The following SMIM8 variants were observed in gnomAD, a reference collection of about 807,000 sequenced individuals.
SMIM8 encodes UPF0708 protein C6orf162.
In SMIM8, 8 loss-of-function variants were observed where a neutral mutation model predicts 8.1. The observed-to-expected ratio is 0.99, with a 90% CI of 0.58 to 1.78. The LOEUF (loss-of-function observed/expected upper bound fraction) is 1.78. Among genes scored for constraint, SMIM8 ranks in the 40% most tolerant of loss-of-function variants. The pLI is 0.00. For synonymous variants in SMIM8, 45 were observed against 39.7 expected, an observed-to-expected ratio of 1.13 and a Z score of -0.50; for missense variants, 126 against 119.8, an observed-to-expected ratio of 1.05 and a Z score of -0.24.
intron 1 of SMIM8, among the ~76,000 whole-genome samples, chr6:87,327,169 G>A (rs568474257): frequency 0.032 from 4,705 of 148,964 alleles, 250 homozygotes; most frequent in African/African-American, 0.11. Context: ...GTCTCTGCAC[G>A]TGAGATGGGT....
rs1218140407 is a variant in SMIM8, at chr6:87,340,788, A to G, written c.*514A>G. 6.5e-6 allele frequency: 1 copy of G among 152,698 alleles called. No individual in the cohort carries two copies. Among genetic ancestry groups the G allele is most frequent in the East Asian group, 1.9e-4 (1 of 5,208 alleles). 9.5% of individuals were successfully genotyped at this position (152,698 alleles called of 1,614,324 possible). A position where few individuals can be genotyped will look rare whatever the true frequency, so the allele number is the denominator to read the frequency against. ...ATGAGAAACTGAGTTGGCTCTGACA[A>G]GTAGTTTTTATAGTGTCACAAATGG... On this transcript the variant is annotated 3_prime_UTR_variant, in exon 4 of 4. Transcript: ENST00000392863.
chr6:87,327,544 G>A (rs12584149), intron 1 of SMIM8, among the ~76,000 whole-genome samples: 10,133 of 149,042 alleles, frequency 0.068, 516 homozygotes, highest in African/African-American at 0.18. Flanking sequence ...GAAATTCTGG[G>A]TTGAAAATTC....
chr6:87,335,845 CAAAAAAAAAAA>C (rs35840147), intron 2 of SMIM8, among the ~76,000 whole-genome samples: 87 of 55,988 alleles, frequency 1.6e-3, no homozygotes, highest in African/African-American at 6.0e-3. Context: ...CCGTCCCTAC[CAAAAAAAAAAA>C]AAAAAAAAAA....
At chr6:87,336,295 A>C (rs1003105010) in intron 2 of SMIM8, among the ~76,000 whole-genome samples, 2 of 152,222 alleles carry the variant, frequency 1.3e-5, no homozygotes, top group Non-Finnish European at 2.9e-5. Context: ...AAATACTCCC[A>C]AAGTGCTGAC....
chr6:87,329,995 G>A (rs148770958), intron 1 of SMIM8, among the ~76,000 whole-genome samples: 146 of 152,262 alleles, frequency 9.6e-4, no homozygotes, highest in African/African-American at 3.5e-3. Context: ...TAGAAACTGA[G>A]AATCAGAGTT....
At chr6:87,327,151 C>T (rs1314061723) in intron 1 of SMIM8, among the ~76,000 whole-genome samples, 2 of 150,934 alleles carry the variant, frequency 1.3e-5, no homozygotes, top group Admixed American at 6.6e-5. Context: ...TATTTTGAGC[C>T]TATGTGTGTC....
At position 87,330,783 on chromosome 6, in the gene SMIM8, C is replaced by T. The variant is rs2127920931; in HGVS notation, c.-24+71C>T. On this transcript the variant is annotated intron_variant, in intron 2 of 3. Coordinates refer to ENST00000392863, the MANE Select transcript of SMIM8 (RefSeq NM_001042493.3). Reference sequence around the variant, plus strand: ...TTAGTTTAGACCTTTTTTACAGGCACCTGTGAAATGTTCTACTCTCCTCTA... The same window carrying T: ...TTAGTTTAGACCTTTTTTACAGGCATCTGTGAAATGTTCTACTCTCCTCTA... 3 of 151,108 alleles carry T rather than the reference C, an allele frequency of 2.0e-5. No individual in the cohort carries two copies. The South Asian group carries it at 6.3e-4, about 32-fold the overall frequency. The allele number at this position is 151,108 out of a possible 1,614,324, so 9.4% of individuals were successfully genotyped here. A position where few individuals can be genotyped will look rare whatever the true frequency, so the allele number is the denominator to read the frequency against.
chr6:87,325,554 A>G (rs1336720743), intron 1 of SMIM8, among the ~76,000 whole-genome samples: 1 of 149,618 alleles, frequency 6.7e-6, no homozygotes, highest in Non-Finnish European at 1.5e-5. Context: ...TTCTGTTTAT[A>G]TGCTGGATTA....
chr6:87,323,148 A>G (rs1776712547), intron 1 of SMIM8: 1 of 152,246 alleles, frequency 6.6e-6, no homozygotes, highest in Non-Finnish European at 1.5e-5. Context: ...AGTCCATGAC[A>G]TTGGGGGAAG....
intron 2 of SMIM8, among the ~76,000 whole-genome samples, chr6:87,332,536 C>T (rs1777018696): frequency 6.7e-6 from 1 of 148,576 alleles, no homozygotes; most frequent in Non-Finnish European, 1.5e-5. Context: ...TAATAAATTA[C>T]ATATAATTAA....
rs1777229912 is a variant in SMIM8 at position 87,341,370 on chromosome 6, G to T, written c.*1096G>T. ...GGTGAGAAGCAGAATGGCCTTGGTT[G>T]TCCTGGCACCTGGCCCAGGGGCCTA... On this transcript the variant is annotated 3_prime_UTR_variant, in exon 4 of 4. Coordinates refer to ENST00000392863, the MANE Select transcript of SMIM8 (RefSeq NM_001042493.3). 2.6e-6 allele frequency: 1 copy of T among 379,536 alleles called. No homozygotes were observed. The highest frequency in any genetic ancestry group is 4.7e-5 in the Admixed American group (1 of 21,286). The allele number at this position is 379,536 out of a possible 1,614,324, so 23.5% of individuals were successfully genotyped here.
chr6:87,339,936 A>G (rs775113115), intron 3 of SMIM8, among the ~76,000 whole-genome samples, 180 bp from the exon 4 acceptor site: 2 of 152,226 alleles, frequency 1.3e-5, no homozygotes, highest in Non-Finnish European at 2.9e-5. Flanking sequence ...ATCTCTAGAT[A>G]ATCAGTAGCT....
At position 87,340,296 on chromosome 6, in the gene SMIM8, G is replaced by A; in HGVS notation, c.*22G>A. 1.3e-6 allele frequency: 2 copies of A among 1,542,930 alleles called. No homozygotes were observed. The highest frequency in any genetic ancestry group is 8.7e-7 in the Non-Finnish European group (1 of 1,150,698). ...TTAGTAGTGCTGGTTAGTGCAGATG[G>A]ACCTTTATTAAAGGTTCTGAAATCT... On this transcript the variant is annotated 3_prime_UTR_variant, in exon 4 of 4. Coordinates refer to ENST00000392863, the MANE Select transcript of SMIM8 (RefSeq NM_001042493.3).
intron 1 of SMIM8, among the ~76,000 whole-genome samples, chr6:87,324,614 A>G (rs370867143): frequency 2.7e-5 from 4 of 149,118 alleles, no homozygotes; most frequent in South Asian, 2.2e-4. Flanking sequence ...GCTCTGTTCT[A>G]TTCCATTGAT....
intron 3 of SMIM8, among the ~76,000 whole-genome samples, chr6:87,338,938 A>G (rs1378272539): frequency 1.5e-5 from 2 of 130,890 alleles, no homozygotes; most frequent in African/African-American, 3.0e-5. Flanking sequence ...ACTGGGCATC[A>G]TGACTCATGT....
chr6:87,325,429 G>C (rs1221779766), intron 1 of SMIM8, among the ~76,000 whole-genome samples: 7 of 147,948 alleles, frequency 4.7e-5, no homozygotes, highest in African/African-American at 1.8e-4. Flanking sequence ...TTATTATTTT[G>C]AGATACGTCC....
intron 1 of SMIM8, 93 bp from the exon 2 acceptor site, chr6:87,330,599 A>G (rs1418455006): frequency 6.6e-6 from 1 of 151,800 alleles, no homozygotes; most frequent in African/African-American, 2.4e-5. Flanking sequence ...CTATTCTTAC[A>G]CTTTGAGATG....
At chr6:87,336,899 G>A (rs928667473) in intron 2 of SMIM8, 110 bp from the exon 3 acceptor site, 1 of 729,002 alleles carries the variant, frequency 1.4e-6, no homozygotes. Flanking sequence ...AATCACATTT[G>A]GTATGTATCT....
intron 2 of SMIM8, among the ~76,000 whole-genome samples, chr6:87,334,033 G>A (rs753714662): frequency 5.9e-5 from 9 of 152,194 alleles, no homozygotes; most frequent in Admixed American, 2.0e-4. Flanking sequence ...GTCACATGGT[G>A]AGACAGGAAG....
Sources: allele counts gnomAD v4.1 joint callset (sites outside exome capture counted in the v4.1 genomes callset), GRCh38; gene constraint gnomAD v4.1.1; transcripts MANE v1.5; gene names NCBI Gene and HGNC (gene_info 2026-07-23, HGNC 2026-07-21).